The following CACNG4 variants were observed in gnomAD, a reference collection of about 807,000 sequenced individuals.
The protein encoded by CACNG4 is voltage-dependent calcium channel gamma-4 subunit.
A neutral mutation model predicts 22.9 loss-of-function variants in CACNG4; 8 were observed. The observed-to-expected ratio is 0.35, with a 90% confidence interval of 0.21 to 0.63. The LOEUF is 0.63. CACNG4 is among the 30% of genes least tolerant of loss of function. CACNG4 has a pLI of 0.72. For missense variants in CACNG4, 357 were observed against 455.4 expected (o/e 0.78, Z 1.97); for synonymous variants, 188 against 191.9 (o/e 0.98, Z 0.17).
chr17:67,008,392 G>A (rs540750550), intron 1 of CACNG4, among the ~76,000 whole-genome samples: 1 of 152,236 alleles, frequency 6.6e-6, no homozygotes, highest in South Asian at 2.1e-4. Flanking sequence ...GGTTTCTTTG[G>A]CACTCGGTGT....
chr17:66,973,669 C>T (rs893140793), intron 1 of CACNG4, among the ~76,000 whole-genome samples: 8 of 152,198 alleles, frequency 5.3e-5, no homozygotes, highest in Non-Finnish European at 1.0e-4. Context: ...GCCTCCATCG[C>T]GGTTAACCTG....
At chr17:67,017,682 T>A (rs899196919) in intron 1 of CACNG4, among the ~76,000 whole-genome samples, 3 of 152,070 alleles carry the variant, frequency 2.0e-5, no homozygotes, top group African/African-American at 7.2e-5. Flanking sequence ...CACGGCCAGC[T>A]AATTTTTGTA....
chr17:67,027,389 A>G lies in CACNG4; in HGVS notation c.445+2389A>G, dbSNP rs1202595515. 1.3e-5 allele frequency among the ~76,000 whole-genome samples: 2 copies of G among 152,224 alleles called. No homozygotes were observed. Among genetic ancestry groups the G allele is most frequent in the African/African-American group, 2.4e-5 (1 of 41,462 alleles). The stretch of plus-strand genomic sequence containing the variant: ...GGCTGGCTGCAAGGAAGCAATGGGG[A>G]GGCCAGCAAGGGGACATTGGCTTAT... On this transcript the variant is annotated intron_variant, in intron 3 of 3. Transcript: ENST00000262138. This position sits in a 1 kb window ranked among gnomAD's most constrained non-coding sequence, Gnocchi z 4.3.
At chr17:66,987,072 G>A (rs2035309481) in intron 1 of CACNG4, among the ~76,000 whole-genome samples, 1 of 152,178 alleles carries the variant, frequency 6.6e-6, no homozygotes, top group Non-Finnish European at 1.5e-5. Context: ...GGTTGCCAGG[G>A]GCTGAGGGGA....
Position 66,965,072 on chromosome 17 carries a change from C to T in CACNG4, c.161C>T (p.Pro54Leu). Reference protein sequence around the residue: ...TNLTMDDGPPPRRARGDLTHS... With the variant: ...TNLTMDDGPPLRRARGDLTHS... ...CTGACCATGGACGACGGGCCCCCGC[C>T]CCGCCGCGCCCGCGGCGACCTCACC... is the stretch of plus-strand genomic sequence containing the variant. Residue 54 changes from proline to leucine, a missense_variant, in exon 1 of 4, where the codon CCC becomes CTC. By Grantham distance (98) the Pro-to-Leu change is moderately conservative. Transcript: ENST00000262138. 6.3e-7 allele frequency: 1 copy of T among 1,591,796 alleles called. No individual in the cohort carries two copies. The highest frequency in any genetic ancestry group is 1.7e-4 in the Middle Eastern group (1 of 6,032).
intron 1 of CACNG4, among the ~76,000 whole-genome samples, chr17:66,991,325 C>T (rs924756046): frequency 4.0e-5 from 6 of 149,674 alleles, no homozygotes; most frequent in Non-Finnish European, 8.9e-5. Flanking sequence ...CATCCCCAAA[C>T]AAACAAACAA....
At chr17:66,995,248 G>A (rs1243559291) in intron 1 of CACNG4, among the ~76,000 whole-genome samples, 1 of 152,172 alleles carries the variant, frequency 6.6e-6, no homozygotes, top group Admixed American at 6.5e-5. Flanking sequence ...CCATTGAGAG[G>A]GGGTTTCTGC....
chr17:67,009,966 C>A (rs1380080910), intron 1 of CACNG4, among the ~76,000 whole-genome samples: 1 of 152,132 alleles, frequency 6.6e-6, no homozygotes, highest in Non-Finnish European at 1.5e-5. Flanking sequence ...GCCCACCATG[C>A]AAGACCCCAC....
In CACNG4 at chr17:67,031,210, C is replaced by T; in HGVS notation, c.*206C>T. The stretch of plus-strand genomic sequence containing the variant: ...GGCTGCAGAAGAAGCTGAAGGCTGA[C>T]TTTGTCCCCTCCCCGAAAAAGGGTG... On this transcript the variant is annotated 3_prime_UTR_variant, in exon 4 of 4. Transcript: ENST00000262138. This position sits in a 1 kb window ranked among gnomAD's most constrained non-coding sequence, Gnocchi z 4.0. 1 of 648,840 alleles carries T rather than the reference C, an allele frequency of 1.5e-6. No homozygotes were observed. Among genetic ancestry groups the T allele is most frequent in the Non-Finnish European group, 2.7e-6 (1 of 365,308 alleles). The allele number at this position is 648,840 out of a possible 1,614,324, so 40.2% of individuals were successfully genotyped here.
chr17:66,985,198 C>A (rs1017386609), intron 1 of CACNG4, among the ~76,000 whole-genome samples: 6 of 152,216 alleles, frequency 3.9e-5, no homozygotes, highest in African/African-American at 1.4e-4. Flanking sequence ...TTCTTAGTCT[C>A]TATTCAAATC....
In CACNG4 at chr17:67,030,962, T is replaced by A; in HGVS notation, c.942T>A (p.Gly314=). The A allele has an allele frequency of 6.2e-7, 1 of 1,613,636 alleles. No homozygotes were observed. The highest frequency in any genetic ancestry group is 8.5e-7 in the Non-Finnish European group (1 of 1,179,846). ...HDFFQQDLKE[G]FHVSMLNRRT... ...TTTTCCAGCAGGACCTGAAGGAAGGTTTCCACGTCAGCATGCTGAACCGAC... is the reference window on the plus strand; with the variant it reads ...TTTTCCAGCAGGACCTGAAGGAAGGATTCCACGTCAGCATGCTGAACCGAC... The change falls in exon 4 of 4, where the codon GGT becomes GGA. Residue 314 remains glycine (G), a synonymous_variant. Transcript: ENST00000262138. This position sits in a 1 kb window ranked among gnomAD's most constrained non-coding sequence, Gnocchi z 6.4.
At chr17:67,001,218 C>T (rs189920892) in intron 1 of CACNG4, among the ~76,000 whole-genome samples, 3 of 152,196 alleles carry the variant, frequency 2.0e-5, no homozygotes, top group South Asian at 2.1e-4. Flanking sequence ...TGAGGGCTCC[C>T]GGCCACTTGG....
At chr17:67,005,329 G>T (rs2035431309) in intron 1 of CACNG4, among the ~76,000 whole-genome samples, 1 of 152,168 alleles carries the variant, frequency 6.6e-6, no homozygotes, top group African/African-American at 2.4e-5. Context: ...CTGTGTGAAG[G>T]ACTCATTCCC....
At chr17:67,023,035 T>A (rs545290234) in intron 2 of CACNG4, among the ~76,000 whole-genome samples, 1 of 152,256 alleles carries the variant, frequency 6.6e-6, no homozygotes, top group East Asian at 1.9e-4. Context: ...GACCCTGCTT[T>A]CTCTGAAGGC....
chr17:66,965,150 C>T lies in CACNG4; in HGVS notation c.220+19C>T, dbSNP rs775104082. 3.6e-6 allele frequency: 5 copies of T among 1,392,580 alleles called. No individual in the cohort carries two copies. The highest frequency in any genetic ancestry group is 4.9e-6 in the Non-Finnish European group (5 of 1,018,642). The allele number at this position is 1,392,580 out of a possible 1,614,324, so 86.3% of individuals were successfully genotyped here. A position where few individuals can be genotyped will look rare whatever the true frequency, so the allele number is the denominator to read the frequency against. On this transcript the variant is annotated intron_variant, in intron 1 of 3. Coordinates refer to ENST00000262138, the MANE Select transcript of CACNG4 (RefSeq NM_014405.4). ...ATCGAAGGTACGGCCAGCCCCGACC[C>T]CTCGCCGCCCCACACACACACACAC...
chr17:67,003,360 G>A (rs1024378053), intron 1 of CACNG4, among the ~76,000 whole-genome samples: 1 of 151,726 alleles, frequency 6.6e-6, no homozygotes, highest in Non-Finnish European at 1.5e-5. Flanking sequence ...AGAACGTACT[G>A]TCTCTATGCT....
chr17:67,017,404 CACAG>C (rs947512181), intron 1 of CACNG4, among the ~76,000 whole-genome samples: 24 of 152,032 alleles, frequency 1.6e-4, no homozygotes, highest in Admixed American at 5.9e-4. Context: ...GAGGGAAAGA[CACAG>C]ACAGACAGAC....
rs1422759300 is a variant in CACNG4, at chr17:67,032,055, G to A, written c.*1051G>A. ...CTTCCTGCAAATCAACGCCAGGAGAGCAACTTACCTTCATTTCTTTGTCTT... is the reference window on the plus strand; with the variant it reads ...CTTCCTGCAAATCAACGCCAGGAGAACAACTTACCTTCATTTCTTTGTCTT... On this transcript the variant is annotated 3_prime_UTR_variant, in exon 4 of 4. Transcript: ENST00000262138. The A allele has an allele frequency of 4.5e-6, 2 of 441,190 alleles. No individual in the cohort carries two copies. The highest frequency in any genetic ancestry group is 2.0e-5 in the African/African-American group (1 of 49,206). 27.3% of individuals were successfully genotyped at this position (441,190 alleles called of 1,614,324 possible).
rs957985551 is a variant in CACNG4, at chr17:67,030,394, G to A, written c.446-72G>A. ...TGTCCACCTGTTCCCTACACTGCCC[G>A]TCCCACTGTGGGTCTAACCTCTGCC... On this transcript the variant is annotated intron_variant, in intron 3 of 3. Transcript: ENST00000262138. The surrounding 1 kb of genome is among the most constrained non-coding windows in gnomAD (Gnocchi z 6.4). 67 of 1,340,050 alleles carry A rather than the reference G, an allele frequency of 5.0e-5. 1 individual carries two copies. The highest frequency in any genetic ancestry group is 1.8e-4 in the South Asian group (14 of 77,694). The allele number at this position is 1,340,050 out of a possible 1,614,324, so 83.0% of individuals were successfully genotyped here.
Sources: allele counts gnomAD v4.1 joint callset (sites outside exome capture counted in the v4.1 genomes callset), GRCh38; gene constraint gnomAD v4.1.1; non-coding constraint Gnocchi (gnomAD v3.1); transcripts MANE v1.5; gene names NCBI Gene and HGNC (gene_info 2026-07-23, HGNC 2026-07-21).